Variants in CIMIP6 observed in about 807,000 individuals in gnomAD.
The protein encoded by CIMIP6 is uncharacterized protein C2orf73.
chr2:54,351,212 A>G, the CIMIP6 span, among the ~76,000 whole-genome samples: 256 of 152,362 alleles, frequency 1.7e-3, 2 homozygotes, highest in African/African-American at 5.8e-3. Context: ...TTAGCATTTT[A>G]AATTGCAAGT....
At chr2:54,360,376 A>G in the CIMIP6 span, 4 of 1,609,746 alleles carry the variant, frequency 2.5e-6, no homozygotes, top group Admixed American at 6.7e-5. Flanking sequence ...TCTGCCAACA[A>G]AATTCTCAGG....
At chr2:54,369,764 C>G in the CIMIP6 span, among the ~76,000 whole-genome samples, 2 of 152,166 alleles carry the variant, frequency 1.3e-5, no homozygotes, top group African/African-American at 2.4e-5. Flanking sequence ...TTTCATCACA[C>G]CAATCACACC....
At chr2:54,332,411 C>G in the CIMIP6 span, among the ~76,000 whole-genome samples, 1 of 152,172 alleles carries the variant, frequency 6.6e-6, no homozygotes, top group Non-Finnish European at 1.5e-5. Flanking sequence ...ATCAGTGCCT[C>G]CAACAGCACC....
chr2:54,343,875 T>A, the CIMIP6 span: 21 of 1,593,328 alleles, frequency 1.3e-5, no homozygotes, highest in Non-Finnish European at 1.8e-5. Context: ...GTGGAATAGG[T>A]AAGGTTTTGC....
At chr2:54,337,270 G>C in the CIMIP6 span, among the ~76,000 whole-genome samples, 1 of 152,170 alleles carries the variant, frequency 6.6e-6, no homozygotes, top group African/African-American at 2.4e-5. Context: ...GGCTGTGAAT[G>C]TCAGATCTTC....
chr2:54,353,493 T>C, the CIMIP6 span, among the ~76,000 whole-genome samples: 9 of 152,058 alleles, frequency 5.9e-5, no homozygotes, highest in Admixed American at 2.6e-4. Flanking sequence ...TCATCATAAT[T>C]GCAGGGCTCT....
the CIMIP6 span, among the ~76,000 whole-genome samples, chr2:54,358,684 GC>G: frequency 1.3e-5 from 2 of 152,154 alleles, no homozygotes; most frequent in African/African-American, 4.8e-5. Flanking sequence ...ACAGGAATGA[GC>G]CACCATGCCT....
the CIMIP6 span, among the ~76,000 whole-genome samples, chr2:54,378,697 AAAG>A: frequency 1.3e-5 from 2 of 152,208 alleles, no homozygotes; most frequent in Non-Finnish European, 2.9e-5. Flanking sequence ...CCATACAGAA[AAAG>A]AAGTATTCAA....
the CIMIP6 span, among the ~76,000 whole-genome samples, chr2:54,355,683 T>G: frequency 3.9e-5 from 6 of 152,154 alleles, no homozygotes. Flanking sequence ...AGTCTGATTT[T>G]CTAGTTCATG....
the CIMIP6 span, among the ~76,000 whole-genome samples, chr2:54,344,421 A>G: frequency 6.6e-6 from 1 of 152,200 alleles, no homozygotes; most frequent in Non-Finnish European, 1.5e-5. Context: ...CTAGAAGCCT[A>G]TTGATAGATA....
the CIMIP6 span, among the ~76,000 whole-genome samples, chr2:54,380,392 TC>T: frequency 6.6e-6 from 1 of 152,028 alleles, no homozygotes; most frequent in Non-Finnish European, 1.5e-5. Context: ...CCATGCCGCA[TC>T]CCCCAACCCC....
At chr2:54,353,679 T>A in the CIMIP6 span, among the ~76,000 whole-genome samples, 1 of 152,308 alleles carries the variant, frequency 6.6e-6, no homozygotes, top group African/African-American at 2.4e-5. Context: ...AAAAAGTTGA[T>A]TTTGATGACT....
the CIMIP6 span, among the ~76,000 whole-genome samples, chr2:54,354,591 T>C: frequency 1.3e-5 from 2 of 152,064 alleles, no homozygotes; most frequent in Non-Finnish European, 2.9e-5. Flanking sequence ...CTGTTTCTAC[T>C]AAGAATATAT....
the CIMIP6 span, chr2:54,331,098 C>A: frequency 8.5e-7 from 1 of 1,170,894 alleles, no homozygotes; most frequent in Non-Finnish European, 1.2e-6. Context: ...CCAGGCCAAG[C>A]TCAGACAGCC....
chr2:54,370,018 G>T, the CIMIP6 span, among the ~76,000 whole-genome samples: 13 of 152,332 alleles, frequency 8.5e-5, no homozygotes, highest in Admixed American at 2.6e-4. Context: ...AGCACTTTGG[G>T]AGGGCGAGAC....
At chr2:54,378,649 A>G in the CIMIP6 span, among the ~76,000 whole-genome samples, 89 of 152,376 alleles carry the variant, frequency 5.8e-4, no homozygotes, top group South Asian at 0.017. Flanking sequence ...TACCGGTTCT[A>G]ACAAAAATAA....
the CIMIP6 span, among the ~76,000 whole-genome samples, chr2:54,355,910 T>C: frequency 2.0e-5 from 3 of 152,212 alleles, no homozygotes; most frequent in Non-Finnish European, 2.9e-5. Context: ...TTTTCTTTTA[T>C]GGTCAAATTT....
chr2:54,361,981 A>G, the CIMIP6 span, among the ~76,000 whole-genome samples: 8,678 of 152,260 alleles, frequency 0.057, 762 homozygotes, highest in African/African-American at 0.19. Flanking sequence ...ATAACCAGGA[A>G]GATAGCAAGA....
At chr2:54,366,498 T>C in the CIMIP6 span, among the ~76,000 whole-genome samples, 2 of 152,108 alleles carry the variant, frequency 1.3e-5, no homozygotes, top group Admixed American at 6.5e-5. Flanking sequence ...TTTTCTAGGA[T>C]TAAAGAAAGA....
Sources: allele counts gnomAD v4.1 joint callset (sites outside exome capture counted in the v4.1 genomes callset), GRCh38; gene constraint gnomAD v4.1.1; transcripts MANE v1.5; gene names NCBI Gene and HGNC (gene_info 2026-07-23, HGNC 2026-07-21).